Variants in PALM2AKAP2 observed in about 807,000 individuals in gnomAD.
PALM2AKAP2 encodes the protein PALM2-AKAP2 fusion protein.
PALM2AKAP2 carries 37 observed loss-of-function variants against 71.5 expected under a neutral mutation model. The observed-to-expected ratio is 0.52, with a 90% CI of 0.40 to 0.68. The LOEUF (loss-of-function observed/expected upper bound fraction) is 0.68. Among genes scored for constraint, PALM2AKAP2 ranks in the 30% least tolerant of loss-of-function variants. The pLI is 0.00. For synonymous variants in PALM2AKAP2, 468 were observed against 478.8 expected (o/e 0.98, Z 0.29); for missense variants, 1,224 against 1,191.8 (o/e 1.03, Z -0.40).
intron 1 of PALM2AKAP2, among the ~76,000 whole-genome samples, chr9:109,798,100 G>A (rs1442040024): frequency 6.6e-6 from 1 of 152,154 alleles, no homozygotes; most frequent in Admixed American, 6.5e-5. Context: ...CCTGGACTTG[G>A]GGATGGCCAG....
chr9:109,953,569 G>A (rs1831683857), intron 6 of PALM2AKAP2, among the ~76,000 whole-genome samples: 2 of 152,132 alleles, frequency 1.3e-5, no homozygotes, highest in Admixed American at 6.5e-5. Context: ...CAGGTGCGGT[G>A]GCTCATGCTT....
intron 1 of PALM2AKAP2, among the ~76,000 whole-genome samples, chr9:109,721,465 G>A (rs1371027122): frequency 2.6e-5 from 4 of 152,130 alleles, no homozygotes; most frequent in African/African-American, 7.2e-5. Flanking sequence ...GGAAACTGAG[G>A]CAAAAATCTA....
intron 1 of PALM2AKAP2, among the ~76,000 whole-genome samples, chr9:110,095,394 A>G (rs1430839664): frequency 6.6e-6 from 1 of 152,126 alleles, no homozygotes; most frequent in Non-Finnish European, 1.5e-5. Flanking sequence ...CAATCTTGCT[A>G]GCTTTGTGAG....
In PALM2AKAP2 at chr9:110,136,706, A is replaced by T. The variant is rs1239878693; in HGVS notation, c.736A>T (p.Thr246Ser). ...GGTGCCTGTCAGCCCCAGCTCCACA[A>T]CCAGCTCACGGTGTTCTTCCCGAGA... The change falls in exon 2 of 4, where the codon ACC becomes TCC. Residue 246 changes from threonine (T) to serine (S), a missense_variant. Physicochemically the swap from Thr to Ser is moderately conservative, Grantham distance 58 (BLOSUM62 1). Coordinates refer to ENST00000374525, the Ensembl canonical transcript of PALM2AKAP2. 1.2e-6 allele frequency: 2 copies of T among 1,614,074 alleles called. No individual in the cohort carries two copies. The highest frequency in any genetic ancestry group is 3.3e-5 in the Admixed American group (2 of 60,014).
intron 6 of PALM2AKAP2, among the ~76,000 whole-genome samples, chr9:110,009,961 G>A (rs545209520): frequency 2.0e-4 from 31 of 152,204 alleles, no homozygotes; most frequent in Non-Finnish European, 3.5e-4. Flanking sequence ...AACAGAGCAC[G>A]CCCTGTGAAT....
chr9:110,088,414 A>AC (rs200552999), intron 1 of PALM2AKAP2, among the ~76,000 whole-genome samples: 1 of 152,196 alleles, frequency 6.6e-6, no homozygotes, highest in Non-Finnish European at 1.5e-5. Context: ...GATTTGGCCC[A>AC]AGGCCAACCT....
intron 6 of PALM2AKAP2, among the ~76,000 whole-genome samples, chr9:109,954,376 C>G (rs1168857922): frequency 6.6e-6 from 1 of 152,076 alleles, no homozygotes. Flanking sequence ...CAGCAGCCCC[C>G]AAGCCCTAGC....
At chr9:109,918,965 A>G (rs1271009402) in intron 3 of PALM2AKAP2, among the ~76,000 whole-genome samples, 1 of 152,112 alleles carries the variant, frequency 6.6e-6, no homozygotes, top group African/African-American at 2.4e-5. Flanking sequence ...CACCTGAACC[A>G]TATAGCGCAG....
intron 1 of PALM2AKAP2, among the ~76,000 whole-genome samples, chr9:110,099,609 C>T (rs1449747951): frequency 2.0e-5 from 3 of 152,200 alleles, no homozygotes; most frequent in Non-Finnish European, 2.9e-5. Context: ...ACCTCACTGA[C>T]ATTTAATGAA....
intron 1 of PALM2AKAP2, among the ~76,000 whole-genome samples, chr9:109,677,732 A>G (rs1827669057): frequency 6.6e-6 from 1 of 152,106 alleles, no homozygotes; most frequent in African/African-American, 2.4e-5. Context: ...CTGCATTTTA[A>G]GACAGAGGTT....
At chr9:109,722,708 G>A (rs1284783743) in intron 1 of PALM2AKAP2, among the ~76,000 whole-genome samples, 1 of 152,158 alleles carries the variant, frequency 6.6e-6, no homozygotes, top group Non-Finnish European at 1.5e-5. Context: ...GGAGGTTGAA[G>A]CCGTAGTGAG....
chr9:109,821,144 C>A (rs1182053771), intron 1 of PALM2AKAP2, among the ~76,000 whole-genome samples: 1 of 152,150 alleles, frequency 6.6e-6, no homozygotes, highest in Non-Finnish European at 1.5e-5. Context: ...GAGGTGGCAG[C>A]CTTGTGAGCT....
At chr9:109,727,848 G>C (rs1045282510) in intron 1 of PALM2AKAP2, among the ~76,000 whole-genome samples, 1 of 152,210 alleles carries the variant, frequency 6.6e-6, no homozygotes, top group African/African-American at 2.4e-5. Context: ...CGGGAACACA[G>C]TCTACCTGAA....
intron 1 of PALM2AKAP2, among the ~76,000 whole-genome samples, chr9:109,790,073 A>C (rs1393081703): frequency 6.6e-6 from 1 of 152,200 alleles, no homozygotes; most frequent in Non-Finnish European, 1.5e-5. Context: ...TTTCTTTTGC[A>C]TAAGATCGAA....
At chr9:109,786,088 T>C (rs2251474) in intron 1 of PALM2AKAP2, among the ~76,000 whole-genome samples, 4,849 of 152,344 alleles carry the variant, frequency 0.032, 106 homozygotes, top group Non-Finnish European at 0.051. Context: ...TGCCGTGGGC[T>C]TACAGAGAAG....
At chr9:109,916,592 C>G (rs1275929561) in intron 3 of PALM2AKAP2, among the ~76,000 whole-genome samples, 1 of 152,238 alleles carries the variant, frequency 6.6e-6, no homozygotes, top group Non-Finnish European at 1.5e-5. Flanking sequence ...GTCTCCTCTG[C>G]CTGGCTCATT....
intron 1 of PALM2AKAP2, among the ~76,000 whole-genome samples, chr9:110,125,064 G>A (rs1436066889): frequency 6.6e-6 from 1 of 151,944 alleles, no homozygotes; most frequent in South Asian, 2.1e-4. Context: ...ACAGACACAC[G>A]CACACATGCA....
At chr9:110,022,588 A>ATT (rs1833093207) in intron 7 of PALM2AKAP2, among the ~76,000 whole-genome samples, 2 of 130,576 alleles carry the variant, frequency 1.5e-5, no homozygotes, top group African/African-American at 7.6e-5. Context: ...TTATTTTATT[A>ATT]TTATTATACT....
intron 1 of PALM2AKAP2, among the ~76,000 whole-genome samples, chr9:109,646,011 TAAAA>T (rs1359979060): frequency 4.6e-5 from 7 of 151,512 alleles, no homozygotes; most frequent in African/African-American, 1.7e-4. Flanking sequence ...GAAAAAGAAA[TAAAA>T]GAAAGAAAGA....
Sources: allele counts gnomAD v4.1 joint callset (sites outside exome capture counted in the v4.1 genomes callset), GRCh38; gene constraint gnomAD v4.1.1; transcripts MANE v1.5; gene names NCBI Gene and HGNC (gene_info 2026-07-23, HGNC 2026-07-21).